The following RARB variants were observed in gnomAD, a reference collection of about 807,000 sequenced individuals.
RARB encodes HBV-activated protein.
Under a neutral mutation model 51.9 loss-of-function variants are expected in RARB, and 17 were observed. That is an observed-to-expected ratio of 0.33 (90% confidence interval 0.22 to 0.49). The LOEUF is 0.49. RARB is among the 20% of genes least tolerant of loss of function. The probability of loss-of-function intolerance (pLI) is 0.99; values close to 1 mark genes in which losing one functional copy is unlikely to be tolerated. For missense variants in RARB, 369 were observed against 550.8 expected (o/e 0.67, Z 3.30); for synonymous variants, 215 against 195.4 (o/e 1.10, Z -0.84).
intron 2 of RARB, among the ~76,000 whole-genome samples, chr3:24,872,024 T>C (rs1039483107): frequency 2.6e-5 from 4 of 152,180 alleles, no homozygotes; most frequent in African/African-American, 9.7e-5. Context: ...ACAAACTGTT[T>C]TCAATATAAC....
chr3:25,392,238 A>G (rs747515371), intron 5 of RARB, among the ~76,000 whole-genome samples: 11 of 152,066 alleles, frequency 7.2e-5, no homozygotes, highest in Non-Finnish European at 1.3e-4. Context: ...ATTTTGTTCC[A>G]TTGGTCTATG....
intron 2 of RARB, among the ~76,000 whole-genome samples, chr3:24,916,033 G>A (rs1029709279): frequency 2.6e-5 from 4 of 152,054 alleles, no homozygotes; most frequent in Admixed American, 6.6e-5. Flanking sequence ...AAAGCCTTAC[G>A]GAAATTGACT....
intron 3 of RARB, among the ~76,000 whole-genome samples, chr3:25,078,475 C>T (rs143830890): frequency 1.3e-5 from 2 of 151,466 alleles, no homozygotes; most frequent in Admixed American, 6.6e-5. Context: ...ATCTATATGA[C>T]AATGCTGCAA....
At chr3:25,144,826 A>G (rs1700162610) in intron 4 of RARB, among the ~76,000 whole-genome samples, 1 of 152,256 alleles carries the variant, frequency 6.6e-6, no homozygotes, top group Non-Finnish European at 1.5e-5. Flanking sequence ...GGACTAATGA[A>G]CAATACATTC....
intron 3 of RARB, among the ~76,000 whole-genome samples, chr3:25,532,846 C>A (rs1698983352): frequency 6.6e-6 from 1 of 152,140 alleles, no homozygotes; most frequent in African/African-American, 2.4e-5. Flanking sequence ...TACAACTGGG[C>A]ATTTTGGAAA....
intron 1 of RARB, among the ~76,000 whole-genome samples, chr3:24,850,053 T>A (rs1394872428): frequency 6.6e-6 from 1 of 152,222 alleles, no homozygotes; most frequent in Non-Finnish European, 1.5e-5. Context: ...GCTGAAGACC[T>A]CCTTTTATTT....
chr3:24,965,462 A>T (rs910759076), intron 2 of RARB, among the ~76,000 whole-genome samples: 4 of 152,334 alleles, frequency 2.6e-5, no homozygotes, highest in African/African-American at 9.6e-5. Flanking sequence ...AGCTAAAAGA[A>T]GAATAGATTT....
chr3:25,343,473 A>T (rs1309158970), intron 5 of RARB, among the ~76,000 whole-genome samples: 2 of 151,646 alleles, frequency 1.3e-5, no homozygotes, highest in Non-Finnish European at 2.9e-5. Context: ...TTTTACAAGC[A>T]GTATTTCCTA....
At chr3:24,871,351 C>T (rs1362505360) in intron 2 of RARB, among the ~76,000 whole-genome samples, 7 of 152,130 alleles carry the variant, frequency 4.6e-5, no homozygotes, top group Admixed American at 4.6e-4. Flanking sequence ...TCAATTCTCA[C>T]TCTTCATCCT....
At chr3:24,838,516 G>C (rs1702375037) in intron 1 of RARB, among the ~76,000 whole-genome samples, 1 of 152,142 alleles carries the variant, frequency 6.6e-6, no homozygotes, top group African/African-American at 2.4e-5. Flanking sequence ...AGCTTGACAA[G>C]TATATTGGAA....
At chr3:25,137,118 T>A (rs6764917) in intron 4 of RARB, among the ~76,000 whole-genome samples, 86,848 of 151,878 alleles carry the variant, frequency 0.57, 25,121 homozygotes, top group East Asian at 0.7. Context: ...TGCCGACTAC[T>A]AGCCCTATTA....
At chr3:25,394,490 G>T in intron 5 of RARB, among the ~76,000 whole-genome samples, 1 of 152,108 alleles carries the variant, frequency 6.6e-6, no homozygotes, top group Non-Finnish European at 1.5e-5. Context: ...AGCACTGTGA[G>T]TGGAGTACTG....
intron 5 of RARB, among the ~76,000 whole-genome samples, chr3:25,199,289 C>G (rs1027132250): frequency 1.3e-5 from 2 of 151,276 alleles, no homozygotes; most frequent in Non-Finnish European, 1.5e-5. Flanking sequence ...TGACAGTCAC[C>G]TGAGGCTGGG....
chr3:25,505,471 A>G (rs2125612333), intron 3 of RARB, among the ~76,000 whole-genome samples: 1 of 152,332 alleles, frequency 6.6e-6, no homozygotes, highest in African/African-American at 2.4e-5. Context: ...ATTTGATTTT[A>G]CATGTGTAAG....
chr3:25,194,089 A>T (rs1701169610), intron 5 of RARB, among the ~76,000 whole-genome samples: 1 of 151,918 alleles, frequency 6.6e-6, no homozygotes, highest in Admixed American at 6.6e-5. Flanking sequence ...AAAGGAAGAG[A>T]TCTTTCCATT....
At chr3:25,239,047 C>T (rs1256755588) in intron 5 of RARB, among the ~76,000 whole-genome samples, 1 of 152,144 alleles carries the variant, frequency 6.6e-6, no homozygotes, top group African/African-American at 2.4e-5. Flanking sequence ...TTGTATTTCC[C>T]TGATGATTAG....
chr3:25,366,721 T>A (rs1313673109), intron 5 of RARB, among the ~76,000 whole-genome samples: 1 of 152,268 alleles, frequency 6.6e-6, no homozygotes, highest in Non-Finnish European at 1.5e-5. Context: ...ATTGCCTACA[T>A]GTTCTGGGTC....
chr3:25,157,650 G>A (rs147847366), intron 4 of RARB, among the ~76,000 whole-genome samples: 3 of 152,070 alleles, frequency 2.0e-5, no homozygotes, highest in Non-Finnish European at 2.9e-5. Context: ...GCCTGCCTCC[G>A]CCTCCCAAAG....
intron 2 of RARB, among the ~76,000 whole-genome samples, chr3:24,993,168 T>C (rs756365266): frequency 4.6e-5 from 7 of 152,144 alleles, no homozygotes; most frequent in Non-Finnish European, 1.0e-4. Context: ...AAACATGACA[T>C]GATGATTCTG....
Sources: allele counts gnomAD v4.1 joint callset (sites outside exome capture counted in the v4.1 genomes callset), GRCh38; gene constraint gnomAD v4.1.1; transcripts MANE v1.5; gene names NCBI Gene and HGNC (gene_info 2026-07-23, HGNC 2026-07-21).